Variants in OR7C1 observed in about 807,000 individuals in gnomAD.
OR7C1 encodes olfactory receptor 7C1.
For missense variants in OR7C1, 324 were observed against 383.3 expected, an observed-to-expected ratio of 0.85 and a Z score of 1.29; for synonymous variants, 152 against 160.7, an observed-to-expected ratio of 0.95 and a Z score of 0.41.
At chr19:14,798,967 A>G in exon 5 of OR7C1, 1 of 510,420 alleles carries the variant, frequency 2.0e-6, no homozygotes, top group Non-Finnish European at 3.1e-6. Flanking sequence ...TTAGAAAAGA[A>G]ATGATTTTGA....
chr19:14,830,549 G>A (rs747423434), intron 1 of OR7C1, among the ~76,000 whole-genome samples: 4 of 152,090 alleles, frequency 2.6e-5, no homozygotes, highest in South Asian at 2.1e-4. Context: ...GTATCTCCTC[G>A]ATGCCTGGCA....
chr19:14,828,093 A>C, intron 1 of OR7C1: 2 of 1,614,116 alleles, frequency 1.2e-6, no homozygotes, highest in South Asian at 2.2e-5. Context: ...GGAGTCTGAG[A>C]TTGTGGCCAG....
At position 14,799,517 on chromosome 19, in the gene OR7C1, C is replaced by T. The variant is rs761161768; in HGVS notation, c.620G>A (p.Gly207Asp). 40 of 1,614,048 alleles carry T rather than the reference C, an allele frequency of 2.5e-5. No homozygotes were observed. In the Admixed American group the frequency reaches 4.2e-4, roughly 17 times the overall value. The stretch of plus-strand genomic sequence containing the variant: ...AAATATTCCAGTGAAGGAAATCACA[C>T]CCAGGACGCCAGTTGCAAAGTATAT... The change falls in exon 5 of 5, where the codon GGT becomes GAT. Residue 207 changes from glycine (G) to aspartate (D), a missense_variant. Physicochemically the swap from Gly to Asp is moderately conservative, Grantham distance 94. Transcript: ENST00000641666.
intron 1 of OR7C1, among the ~76,000 whole-genome samples, chr19:14,813,509 T>C (rs2145061554): frequency 6.6e-6 from 1 of 152,170 alleles, no homozygotes; most frequent in South Asian, 2.1e-4. Context: ...GAGCCAAGAT[T>C]GTGCCACTGC....
chr19:14,816,163 C>T (rs2044715519), intron 1 of OR7C1, among the ~76,000 whole-genome samples: 2 of 151,938 alleles, frequency 1.3e-5, no homozygotes, highest in African/African-American at 2.4e-5. Flanking sequence ...GTGAAAGGAG[C>T]GTACCCCATA....
exon 3 of OR7C1, chr19:14,800,713 C>T (rs2044637473): frequency 6.6e-6 from 1 of 152,208 alleles, no homozygotes; most frequent in Non-Finnish European, 1.5e-5. Context: ...GATGGTGGCT[C>T]CATCTTCCCT....
chr19:14,828,296 T>C (rs1457145148), intron 1 of OR7C1: 1 of 1,535,542 alleles, frequency 6.5e-7, no homozygotes, highest in Non-Finnish European at 8.8e-7. Flanking sequence ...GAGACAGGCA[T>C]GCATTGCTAA....
chr19:14,818,743 G>A (rs954991435), intron 1 of OR7C1, among the ~76,000 whole-genome samples: 2 of 152,114 alleles, frequency 1.3e-5, no homozygotes, highest in South Asian at 2.1e-4. Flanking sequence ...GGGTGAATGC[G>A]TTAAAGTTTA....
At chr19:14,799,463 A>G in exon 5 of OR7C1, 1 of 1,614,238 alleles carries the variant, frequency 6.2e-7, no homozygotes, top group Non-Finnish European at 8.5e-7. Flanking sequence ...AATCCTCAGT[A>G]TAGAGAAAAC....
At chr19:14,830,385 A>C (rs1568254734) in intron 1 of OR7C1, among the ~76,000 whole-genome samples, 1 of 152,176 alleles carries the variant, frequency 6.6e-6, no homozygotes, top group Non-Finnish European at 1.5e-5. Context: ...AAACTCAGGT[A>C]ATCCCTCAGC....
At chr19:14,834,538 A>G (rs1213142775) in intron 1 of OR7C1, among the ~76,000 whole-genome samples, 5 of 152,230 alleles carry the variant, frequency 3.3e-5, no homozygotes, top group African/African-American at 1.2e-4. Context: ...CCTATTAAAT[A>G]TTTTGTATTA....
At chr19:14,800,134 C>T in exon 5 of OR7C1, 1 of 1,562,534 alleles carries the variant, frequency 6.4e-7, no homozygotes, top group South Asian at 1.2e-5. Flanking sequence ...TTCCTGTTTC[C>T]ATGGGGATAA....
intron 1 of OR7C1, among the ~76,000 whole-genome samples, chr19:14,818,507 T>C (rs1029151655): frequency 1.3e-5 from 2 of 152,252 alleles, no homozygotes; most frequent in African/African-American, 4.8e-5. Flanking sequence ...TTGCAATTAC[T>C]TCCTTACTTG....
chr19:14,816,306 T>C (rs1212414102), intron 1 of OR7C1, among the ~76,000 whole-genome samples: 2 of 152,210 alleles, frequency 1.3e-5, no homozygotes, highest in Non-Finnish European at 2.9e-5. Context: ...ATCCTGGGTG[T>C]GTCTGTGAGG....
chr19:14,833,478 C>CA (rs1171643428), intron 1 of OR7C1, among the ~76,000 whole-genome samples: 1 of 150,574 alleles, frequency 6.6e-6, no homozygotes, highest in African/African-American at 2.4e-5. Context: ...GACTCCGTCT[C>CA]AAAAAAAAAG....
chr19:14,806,912 GCTGGGCCAAATGGTATTT>G (rs1408466751), intron 2 of OR7C1, among the ~76,000 whole-genome samples: 1 of 151,948 alleles, frequency 6.6e-6, no homozygotes, highest in African/African-American at 2.4e-5. Context: ...TAATGGGATT[GCTGGGCCAAATGGTATTT>G]CTGGTTCTAG....
chr19:14,814,903 G>A (rs1450077582), intron 1 of OR7C1, among the ~76,000 whole-genome samples: 1 of 152,164 alleles, frequency 6.6e-6, no homozygotes, highest in Non-Finnish European at 1.5e-5. Context: ...GAGACCATGA[G>A]ACTGGCAGAA....
chr19:14,814,797 T>C (rs2044708564), intron 1 of OR7C1, among the ~76,000 whole-genome samples: 1 of 152,170 alleles, frequency 6.6e-6, no homozygotes, highest in Non-Finnish European at 1.5e-5. Flanking sequence ...AAAACTTCAC[T>C]TCCAGCCATG....
intron 1 of OR7C1, among the ~76,000 whole-genome samples, chr19:14,813,617 G>C (rs985923574): frequency 6.6e-6 from 1 of 152,078 alleles, no homozygotes. Flanking sequence ...TTGCCTCACA[G>C]GTCCTTATGA....
Sources: gnomAD v4.1 joint callset for allele counts (sites outside exome capture counted in the v4.1 genomes callset) on GRCh38, gnomAD v4.1.1 for gene constraint, MANE v1.5 for transcripts, NCBI Gene and HGNC (gene_info 2026-07-23, HGNC 2026-07-21) for gene names.